The following AGMO variants were observed in gnomAD, a reference collection of about 807,000 sequenced individuals.
AGMO encodes alkylglycerol monooxygenase.
In AGMO, 75 loss-of-function variants were observed where a neutral mutation model predicts 60.2. That is an observed-to-expected ratio of 1.25 (90% CI 1.03 to 1.51). The LOEUF is 1.51. Among genes scored for constraint, AGMO ranks in the 40% most tolerant of loss-of-function variants. The probability of loss-of-function intolerance (pLI) is 0.00; values close to 1 mark genes in which losing one functional copy is unlikely to be tolerated. For missense variants in AGMO, 763 were observed against 525.5 expected, an observed-to-expected ratio of 1.45 and a Z score of -4.42; for synonymous variants, 261 against 177.1, an observed-to-expected ratio of 1.47 and a Z score of -3.76.
intron 3 of AGMO, among the ~76,000 whole-genome samples, chr7:15,471,191 A>G (rs1782442901): frequency 6.6e-6 from 1 of 151,930 alleles, no homozygotes; most frequent in Admixed American, 6.6e-5. Flanking sequence ...TTGTATTGAT[A>G]TCCCACACTG....
intron 10 of AGMO, among the ~76,000 whole-genome samples, chr7:15,371,155 A>G (rs1783195641): frequency 1.3e-5 from 2 of 152,294 alleles, no homozygotes; most frequent in South Asian, 4.1e-4. Flanking sequence ...CTCAAACTAT[A>G]AAAACCCTAG....
chr7:15,502,103 T>A (rs1783401459), intron 3 of AGMO, among the ~76,000 whole-genome samples: 1 of 152,066 alleles, frequency 6.6e-6, no homozygotes, highest in Non-Finnish European at 1.5e-5. Flanking sequence ...TGTGGGCATT[T>A]TTTTCCTCAT....
intron 12 of AGMO, among the ~76,000 whole-genome samples, chr7:15,283,954 A>G (rs117995487): frequency 0.013 from 1,937 of 152,228 alleles, 18 homozygotes; most frequent in Middle Eastern, 0.048. Flanking sequence ...AATACATGAA[A>G]ATGAAACAAT....
chr7:15,222,500 A>T (rs1175708294), intron 12 of AGMO, among the ~76,000 whole-genome samples: 1 of 152,078 alleles, frequency 6.6e-6, no homozygotes, highest in Non-Finnish European at 1.5e-5. Context: ...CATGTTTTTC[A>T]ATGTTAGTCA....
intron 12 of AGMO, among the ~76,000 whole-genome samples, chr7:15,232,540 C>G (rs995716386): frequency 1.3e-5 from 2 of 152,066 alleles, no homozygotes; most frequent in Non-Finnish European, 2.9e-5. Context: ...TGGAGAAGAG[C>G]TGGTAGTGAT....
intron 3 of AGMO, among the ~76,000 whole-genome samples, chr7:15,447,600 G>A (rs914420932): frequency 6.6e-6 from 1 of 151,832 alleles, no homozygotes; most frequent in African/African-American, 2.4e-5. Context: ...ACCCAGGCTA[G>A]AGTGCAGTGG....
chr7:15,354,976 C>T lies in AGMO; in HGVS notation c.1263+10538G>A, dbSNP rs781518480. 6.6e-5 allele frequency among the ~76,000 whole-genome samples: 10 copies of T among 152,008 alleles called. No homozygotes were observed. In the South Asian group the frequency reaches 8.3e-4, roughly 13 times the overall value. On this transcript the variant is annotated intron_variant, in intron 12 of 12. Transcript: ENST00000342526. ...GCTAGGATGAAGTGGCTTATGCTCA[C>T]TTATACATGGCTAATGAACAGGTAA...
At chr7:15,542,105 CTT>C (rs1441136606) in intron 3 of AGMO, among the ~76,000 whole-genome samples, 1 of 151,846 alleles carries the variant, frequency 6.6e-6, no homozygotes, top group East Asian at 1.9e-4. Context: ...CTGTGTGTGT[CTT>C]GATTTCTAAA....
At chr7:15,385,678 CATA>C in intron 9 of AGMO, 116 bp from the exon 10 acceptor site, 1 of 688,008 alleles carries the variant, frequency 1.5e-6, no homozygotes, top group Non-Finnish European at 2.5e-6. Flanking sequence ...AAAAGACAAA[CATA>C]ATTTTTAAAA....
rs527463907 is a variant in AGMO at position 15,270,596 on chromosome 7, A to ATTTTTTTTTTTTTTTTTTTTTTTT, written c.1264-69261_1264-69238dup. Reference sequence around the variant, plus strand: ...ATTAAACAAATTTAATCTGTTGATAATTTTTTTTTTTTTTTTTTTTTTTTT... The same window carrying ATTTTTTTTTTTTTTTTTTTTTTTT: ...ATTAAACAAATTTAATCTGTTGATAATTTTTTTTTTTTTTTTTTTTTTTTTTTTTTTTTTTTTTTTTTTTTTTTT... On this transcript the variant is annotated intron_variant, in intron 12 of 12. Transcript: ENST00000342526. 8.5e-4 allele frequency among the ~76,000 whole-genome samples: 41 copies of ATTTTTTTTTTTTTTTTTTTTTTTT among 48,064 alleles called. 1 individual carries two copies. The highest frequency in any genetic ancestry group is 1.2e-3 in the South Asian group (1 of 844). The allele number at this position is 48,064 out of a possible 152,430, so 31.5% of individuals were successfully genotyped here.
At chr7:15,450,625 G>A (rs1781833226) in intron 3 of AGMO, among the ~76,000 whole-genome samples, 4 of 151,978 alleles carry the variant, frequency 2.6e-5, no homozygotes, top group Admixed American at 2.6e-4. Flanking sequence ...ATTTTGGTTT[G>A]TCTATTCATA....
At chr7:15,424,147 C>T (rs948642900) in intron 4 of AGMO, among the ~76,000 whole-genome samples, 5 of 152,210 alleles carry the variant, frequency 3.3e-5, no homozygotes, top group South Asian at 2.1e-4. Context: ...TGACCCATAG[C>T]GGTTCTCAGT....
At chr7:15,354,102 A>G (rs1193774720) in intron 12 of AGMO, among the ~76,000 whole-genome samples, 1 of 151,854 alleles carries the variant, frequency 6.6e-6, no homozygotes, top group Non-Finnish European at 1.5e-5. Flanking sequence ...GGAAAGAAAA[A>G]GTGACCATTT....
intron 3 of AGMO, among the ~76,000 whole-genome samples, chr7:15,541,495 T>C (rs1784630643): frequency 1.3e-5 from 2 of 152,214 alleles, no homozygotes; most frequent in African/African-American, 4.8e-5. Context: ...TATCCTTCTA[T>C]ATATTTTTCT....
chr7:15,525,042 T>C (rs554208187), intron 3 of AGMO, among the ~76,000 whole-genome samples: 2 of 152,182 alleles, frequency 1.3e-5, no homozygotes, highest in South Asian at 2.1e-4. Context: ...CAGAAAAACC[T>C]TAAAAACTGA....
chr7:15,525,781 G>A (rs1429022148), intron 3 of AGMO, among the ~76,000 whole-genome samples: 1 of 152,110 alleles, frequency 6.6e-6, no homozygotes, highest in Admixed American at 6.5e-5. Context: ...GAGGGGTAAC[G>A]GGCTGACAGA....
At chr7:15,254,722 T>C (rs1783045847) in intron 12 of AGMO, among the ~76,000 whole-genome samples, 3 of 144,706 alleles carry the variant, frequency 2.1e-5, no homozygotes, top group Admixed American at 1.4e-4. Flanking sequence ...ATAAAGAAAA[T>C]AGACAAACCT....
At chr7:15,355,352 A>C (rs1444219017) in intron 12 of AGMO, among the ~76,000 whole-genome samples, 1 of 151,910 alleles carries the variant, frequency 6.6e-6, no homozygotes, top group Non-Finnish European at 1.5e-5. Context: ...AATACAAAAA[A>C]ATTAGCCAAG....
intron 3 of AGMO, among the ~76,000 whole-genome samples, chr7:15,452,812 A>G (rs1013161816): frequency 6.6e-6 from 1 of 152,320 alleles, no homozygotes; most frequent in Admixed American, 6.5e-5. Flanking sequence ...AGAGTAGCCA[A>G]AAAGTGGAAA....
Sources: gnomAD v4.1 joint callset for allele counts (sites outside exome capture counted in the v4.1 genomes callset) on GRCh38, gnomAD v4.1.1 for gene constraint, MANE v1.5 for transcripts, NCBI Gene and HGNC (gene_info 2026-07-23, HGNC 2026-07-21) for gene names.